Variants in FYN observed in about 807,000 individuals in gnomAD.
The protein encoded by FYN is tyrosine-protein kinase Fyn.
A neutral mutation model predicts 70.2 loss-of-function variants in FYN; 10 were observed. The observed-to-expected ratio is 0.14, with a 90% CI of 0.09 to 0.24. FYN has a LOEUF of 0.24. Among genes scored for constraint, FYN ranks in the 10% least tolerant of loss-of-function variants. The probability of loss-of-function intolerance (pLI) is 1.00; values close to 1 mark genes in which losing one functional copy is unlikely to be tolerated. For synonymous variants in FYN, 236 were observed against 248.6 expected (o/e 0.95, Z 0.48); for missense variants, 319 against 673.1 (o/e 0.47, Z 5.82).
intron 2 of FYN, chr6:111,819,907 A>G (rs1012283617): frequency 2.0e-5 from 3 of 152,224 alleles, no homozygotes; most frequent in African/African-American, 7.2e-5. Flanking sequence ...GTTATTAAGA[A>G]TATTTAAAAG....
In FYN at chr6:111,873,389, G is replaced by C. The variant is rs2114265300; in HGVS notation, c.-544C>G. The C allele has an allele frequency of 6.6e-6, 1 of 151,568 alleles. No individual in the cohort carries two copies. The highest frequency in any genetic ancestry group is 2.0e-4 in the East Asian group (1 of 5,038). The allele number at this position is 151,568 out of a possible 1,614,324, so 9.4% of individuals were successfully genotyped here. A position where few individuals can be genotyped will look rare whatever the true frequency, so the allele number is the denominator to read the frequency against. On this transcript the variant is annotated 5_prime_UTR_variant, in exon 1 of 14. Coordinates refer to ENST00000354650, the MANE Select transcript of FYN (RefSeq NM_002037.5). The stretch of plus-strand genomic sequence containing the variant: ...GCCGGCTCCGCTCCTGACAGATGGC[G>C]CAACTGCAACGACGCGCCGCCGCCA...
At chr6:111,667,249 T>A (rs1008572039) in intron 13 of FYN, among the ~76,000 whole-genome samples, 6 of 151,956 alleles carry the variant, frequency 3.9e-5, no homozygotes, top group Non-Finnish European at 7.4e-5. Context: ...TGAAAAAAAA[T>A]TTTTTAAGGG....
intron 2 of FYN, among the ~76,000 whole-genome samples, chr6:111,828,828 G>A (rs1030144352): frequency 2.0e-5 from 3 of 152,194 alleles, no homozygotes; most frequent in African/African-American, 7.2e-5. Context: ...TGGTTGCACA[G>A]CAATGTGAAT....
At chr6:111,789,215 G>A (rs141616361) in intron 2 of FYN, among the ~76,000 whole-genome samples, 7 of 152,322 alleles carry the variant, frequency 4.6e-5, no homozygotes, top group Non-Finnish European at 1.0e-4. Flanking sequence ...GCTCACTGTT[G>A]AGCAAGGCAC....
chr6:111,664,730 G>A (rs149132880), intron 13 of FYN, among the ~76,000 whole-genome samples: 7 of 152,066 alleles, frequency 4.6e-5, no homozygotes, highest in Non-Finnish European at 7.4e-5. Context: ...GCACCCCTCC[G>A]CTCTTCCCCA....
intron 3 of FYN, among the ~76,000 whole-genome samples, chr6:111,759,645 A>G (rs1247127742): frequency 6.6e-6 from 1 of 152,132 alleles, no homozygotes; most frequent in Admixed American, 6.5e-5. Context: ...TATGTTCCAC[A>G]TTCATTTACT....
At position 111,694,337 on chromosome 6, in the gene FYN, C is replaced by A; in HGVS notation, c.1273+38G>T. On this transcript the variant is annotated intron_variant, in intron 12 of 13. Coordinates refer to ENST00000354650, the MANE Select transcript of FYN (RefSeq NM_002037.5). The surrounding 1 kb of genome is among the most constrained non-coding windows in gnomAD (Gnocchi z 5.0). ...GCTGTGCAGTAAGTGACTGTTCTCACAGCTGTGATCACGAGCCATTGTCAT... is the reference window on the plus strand; with the variant it reads ...GCTGTGCAGTAAGTGACTGTTCTCAAAGCTGTGATCACGAGCCATTGTCAT... 6.2e-7 allele frequency: 1 copy of A among 1,611,496 alleles called. No homozygotes were observed. The highest frequency in any genetic ancestry group is 8.5e-7 in the Non-Finnish European group (1 of 1,178,132).
At chr6:111,804,463 C>T (rs542035651) in intron 2 of FYN, among the ~76,000 whole-genome samples, 3 of 152,120 alleles carry the variant, frequency 2.0e-5, no homozygotes, top group African/African-American at 4.8e-5. Flanking sequence ...GATGCTACAT[C>T]GCAAAACCAA....
At chr6:111,764,066 G>T (rs1157285481) in intron 3 of FYN, among the ~76,000 whole-genome samples, 1 of 151,916 alleles carries the variant, frequency 6.6e-6, no homozygotes, top group Non-Finnish European at 1.5e-5. Context: ...AAGCAAGAAT[G>T]GCAGAATGTT....
chr6:111,733,509 A>G (rs1801561062), intron 3 of FYN, among the ~76,000 whole-genome samples: 1 of 152,244 alleles, frequency 6.6e-6, no homozygotes, highest in African/African-American at 2.4e-5. Flanking sequence ...CTTCTGTTTT[A>G]GAGAAGGTCT....
Position 111,661,688 on chromosome 6 carries a change from G to A in FYN, c.*51C>T, listed in dbSNP as rs760439543. The A allele has an allele frequency of 3.3e-6, 5 of 1,532,548 alleles. No individual in the cohort carries two copies. The highest frequency in any genetic ancestry group is 1.8e-5 in the Admixed American group (1 of 56,476). 94.9% of individuals were successfully genotyped at this position (1,532,548 alleles called of 1,614,324 possible). A position where few individuals can be genotyped will look rare whatever the true frequency, so the allele number is the denominator to read the frequency against. On this transcript the variant is annotated 3_prime_UTR_variant, in exon 14 of 14. Transcript: ENST00000354650. The surrounding 1 kb of genome is among the most constrained non-coding windows in gnomAD (Gnocchi z 4.0). ...TGGCTACGGAATTGAAAGCTAATGG[G>A]GAGGGGTGGGGCAGCCTCTGGGACA...
intron 13 of FYN, among the ~76,000 whole-genome samples, chr6:111,668,617 A>G (rs1376714783): frequency 6.6e-6 from 1 of 151,894 alleles, no homozygotes; most frequent in Non-Finnish European, 1.5e-5. Flanking sequence ...CTGGGGGCCG[A>G]AAGTCCCTCT....
At chr6:111,847,005 T>C (rs1221004480) in intron 1 of FYN, among the ~76,000 whole-genome samples, 1 of 152,212 alleles carries the variant, frequency 6.6e-6, no homozygotes, top group Non-Finnish European at 1.5e-5. Context: ...CAATTAAAAC[T>C]GAGTCTTCCA....
At chr6:111,803,768 G>C (rs957037930) in intron 2 of FYN, among the ~76,000 whole-genome samples, 1 of 152,134 alleles carries the variant, frequency 6.6e-6, no homozygotes, top group Non-Finnish European at 1.5e-5. Flanking sequence ...GAAACAACTT[G>C]CCAAGGATAA....
chr6:111,833,383 A>G (rs1229139348), intron 2 of FYN, among the ~76,000 whole-genome samples: 1 of 152,222 alleles, frequency 6.6e-6, no homozygotes, highest in Non-Finnish European at 1.5e-5. Flanking sequence ...CTCTGCGTAG[A>G]TATCTGTTTT....
intron 3 of FYN, among the ~76,000 whole-genome samples, chr6:111,751,571 T>C (rs1802489867): frequency 1.3e-5 from 2 of 152,324 alleles, no homozygotes; most frequent in East Asian, 1.9e-4. Flanking sequence ...TTCAGAGATA[T>C]TTTAAATCAT....
At chr6:111,769,858 A>C (rs973537141) in intron 3 of FYN, among the ~76,000 whole-genome samples, 4 of 152,222 alleles carry the variant, frequency 2.6e-5, no homozygotes, top group Non-Finnish European at 4.4e-5. Flanking sequence ...CAGGCAGTGT[A>C]TGTTGGTCTC....
intron 13 of FYN, among the ~76,000 whole-genome samples, chr6:111,666,374 C>T (rs888936329): frequency 5.3e-5 from 8 of 152,092 alleles, no homozygotes; most frequent in East Asian, 1.9e-4. Flanking sequence ...CACAGAGAGG[C>T]GGCTTGGGGC....
At chr6:111,772,332 T>C (rs1001596287) in intron 3 of FYN, among the ~76,000 whole-genome samples, 25 of 152,020 alleles carry the variant, frequency 1.6e-4, no homozygotes, top group African/African-American at 6.0e-4. Flanking sequence ...GTAAAAAATA[T>C]CAGACAATAT....
Sources: gnomAD v4.1 joint callset for allele counts (sites outside exome capture counted in the v4.1 genomes callset) on GRCh38, gnomAD v4.1.1 for gene constraint, Gnocchi (gnomAD v3.1) non-coding constraint, MANE v1.5 for transcripts, NCBI Gene and HGNC (gene_info 2026-07-23, HGNC 2026-07-21) for gene names.